SLC9A9: variants seen among roughly 807,000 people sequenced by gnomAD.
SLC9A9 encodes solute carrier family 9 member A9.
A neutral mutation model predicts 77.8 loss-of-function variants in SLC9A9; 62 were observed. The ratio of observed to expected loss-of-function variants is 0.80; its 90% CI spans 0.65 to 0.98. The LOEUF (loss-of-function observed/expected upper bound fraction) is 0.98. SLC9A9 is among the 50% of genes least tolerant of loss of function. The probability of loss-of-function intolerance (pLI) is 0.00; values close to 1 mark genes in which losing one functional copy is unlikely to be tolerated. For synonymous variants in SLC9A9, 320 were observed against 283.5 expected, an observed-to-expected ratio of 1.13 and a Z score of -1.29; for missense variants, 775 against 774.9, an observed-to-expected ratio of 1.00 and a Z score of 0.00.
intron 6 of SLC9A9, chr3:143,627,323 T>G (rs1330919818): frequency 4.8e-6 from 1 of 206,614 alleles, no homozygotes; most frequent in East Asian, 1.2e-4. Context: ...AGTGCTATGA[T>G]GAACTGGGGA....
At chr3:143,428,512 G>C (rs2108533858) in intron 12 of SLC9A9, among the ~76,000 whole-genome samples, 1 of 152,252 alleles carries the variant, frequency 6.6e-6, no homozygotes, top group African/African-American at 2.4e-5. Flanking sequence ...CAGCCATTAT[G>C]GAAAATAGTA....
At chr3:143,350,195 T>C (rs905563679) in intron 14 of SLC9A9, among the ~76,000 whole-genome samples, 2 of 152,196 alleles carry the variant, frequency 1.3e-5, no homozygotes, top group African/African-American at 4.8e-5. Flanking sequence ...TGGCCCTTTC[T>C]CTCTGCAGTC....
At chr3:143,804,366 T>C (rs1435603950) in intron 2 of SLC9A9, among the ~76,000 whole-genome samples, 1 of 152,106 alleles carries the variant, frequency 6.6e-6, no homozygotes, top group African/African-American at 2.4e-5. Context: ...TAAATAACAG[T>C]GAAAGGTTAC....
chr3:143,524,179 A>AG (rs2036364604), intron 9 of SLC9A9, among the ~76,000 whole-genome samples: 1 of 41,198 alleles, frequency 2.4e-5, no homozygotes, highest in Non-Finnish European at 6.2e-5. Context: ...CACTGAAGAT[A>AG]GAAAAAAAAA....
intron 12 of SLC9A9, among the ~76,000 whole-genome samples, chr3:143,394,680 C>T (rs921599079): frequency 6.6e-6 from 1 of 152,190 alleles, no homozygotes; most frequent in African/African-American, 2.4e-5. Context: ...TTGCAGATGA[C>T]ATGATGGTAT....
intron 5 of SLC9A9, among the ~76,000 whole-genome samples, chr3:143,672,351 TA>T (rs1315290848): frequency 4.6e-5 from 7 of 152,254 alleles, no homozygotes; most frequent in Admixed American, 2.0e-4. Context: ...TCCATGATTT[TA>T]AAAAGATGTG....
intron 8 of SLC9A9, among the ~76,000 whole-genome samples, 163 bp downstream of exon 8, chr3:143,573,925 T>A (rs181522973): frequency 2.0e-5 from 3 of 152,322 alleles, no homozygotes; most frequent in Admixed American, 2.0e-4. Flanking sequence ...CTATTATTTT[T>A]TCTCTCCAGC....
chr3:143,590,511 A>G (rs1451339514), intron 6 of SLC9A9, among the ~76,000 whole-genome samples: 2 of 152,240 alleles, frequency 1.3e-5, no homozygotes, highest in Non-Finnish European at 2.9e-5. Flanking sequence ...AGTTTGATCA[A>G]ATATTGAATT....
chr3:143,543,582 ATCTTTATGTC>A (rs2036728469), intron 9 of SLC9A9, among the ~76,000 whole-genome samples: 1 of 151,980 alleles, frequency 6.6e-6, no homozygotes, highest in Non-Finnish European at 1.5e-5. Context: ...TACTGTTGCC[ATCTTTATGTC>A]CATGAGTGCC....
In SLC9A9 at chr3:143,742,619, T is replaced by G. The variant is rs967931429; in HGVS notation, c.534-49312A>C. The stretch of plus-strand genomic sequence containing the variant: ...CAGCTAAGAGGAGTCTAAGGAGAAA[T>G]GACAGCTAAATATAAGGTGGTGTTC... On this transcript the variant is annotated intron_variant, in intron 4 of 15. Coordinates refer to ENST00000316549, the MANE Select transcript of SLC9A9 (RefSeq NM_173653.4). 2.0e-5 allele frequency among the ~76,000 whole-genome samples: 3 copies of G among 152,028 alleles called. No homozygotes were observed. In the East Asian group the frequency reaches 5.8e-4, roughly 29 times the overall value.
chr3:143,267,432 T>C (rs1348388195), intron 15 of SLC9A9, among the ~76,000 whole-genome samples: 1 of 142,274 alleles, frequency 7.0e-6, no homozygotes, highest in Admixed American at 7.3e-5. Flanking sequence ...TACTTCAACC[T>C]CTGGTCTCTG....
At chr3:143,383,710 G>C (rs1353071208) in intron 12 of SLC9A9, among the ~76,000 whole-genome samples, 3 of 152,108 alleles carry the variant, frequency 2.0e-5, no homozygotes, top group African/African-American at 7.2e-5. Flanking sequence ...GCTGGGGAGA[G>C]GTCTGGCCCA....
chr3:143,407,972 T>G (rs1381522318), intron 12 of SLC9A9, among the ~76,000 whole-genome samples: 1 of 152,214 alleles, frequency 6.6e-6, no homozygotes, highest in South Asian at 2.1e-4. Flanking sequence ...AGGATCAAGA[T>G]GCTGGCCAAT....
intron 4 of SLC9A9, among the ~76,000 whole-genome samples, chr3:143,790,306 AATAC>A (rs2008182395): frequency 6.6e-6 from 1 of 152,218 alleles, no homozygotes; most frequent in Non-Finnish European, 1.5e-5. Context: ...AGAATGGACT[AATAC>A]ATTAAGCAAG....
At chr3:143,500,625 G>A (rs935109740) in intron 9 of SLC9A9, among the ~76,000 whole-genome samples, 2 of 152,078 alleles carry the variant, frequency 1.3e-5, no homozygotes, top group Non-Finnish European at 2.9e-5. Flanking sequence ...CTGTCCTGAC[G>A]TCTGCAGTCT....
At chr3:143,414,381 C>T (rs1282178855) in intron 12 of SLC9A9, among the ~76,000 whole-genome samples, 3 of 152,306 alleles carry the variant, frequency 2.0e-5, no homozygotes, top group South Asian at 2.1e-4. Flanking sequence ...TGTTTTCTTG[C>T]ACTTTGCAGA....
At chr3:143,546,976 G>T (rs2036801891) in intron 9 of SLC9A9, among the ~76,000 whole-genome samples, 1 of 152,046 alleles carries the variant, frequency 6.6e-6, no homozygotes, top group Non-Finnish European at 1.5e-5. Flanking sequence ...TGCCAACATT[G>T]TTCTTATCAC....
chr3:143,299,159 A>AT (rs993363480), intron 14 of SLC9A9, among the ~76,000 whole-genome samples: 3 of 152,162 alleles, frequency 2.0e-5, no homozygotes, highest in Admixed American at 2.0e-4. Context: ...AGCATTTAAA[A>AT]TTTTATCTGT....
chr3:143,547,921 T>C (rs2036816139), intron 9 of SLC9A9, among the ~76,000 whole-genome samples: 1 of 152,228 alleles, frequency 6.6e-6, no homozygotes, highest in Admixed American at 6.5e-5. Flanking sequence ...TTGTTCACTG[T>C]TGTATCCCCG....
Sources: allele counts gnomAD v4.1 joint callset (sites outside exome capture counted in the v4.1 genomes callset), GRCh38; gene constraint gnomAD v4.1.1; transcripts MANE v1.5; gene names NCBI Gene and HGNC (gene_info 2026-07-23, HGNC 2026-07-21).